ANAPC10: variants seen among roughly 807,000 people sequenced by gnomAD.
The protein encoded by ANAPC10 is anaphase promoting complex subunit 10, also known as anaphase-promoting complex subunit 10.
In ANAPC10, 12 loss-of-function variants were observed where a neutral mutation model predicts 22.0. The observed-to-expected ratio is 0.55, with a 90% CI of 0.35 to 0.88. The LOEUF (loss-of-function observed/expected upper bound fraction) is 0.88, where lower values mean the gene tolerates loss of function less well. ANAPC10 is among the 40% of genes least tolerant of loss of function. The probability of loss-of-function intolerance (pLI) is 0.01; values close to 1 mark genes in which losing one functional copy is unlikely to be tolerated. For missense variants in ANAPC10, 188 were observed against 220.9 expected, an observed-to-expected ratio of 0.85 and a Z score of 0.94; for synonymous variants, 65 against 69.5, an observed-to-expected ratio of 0.94 and a Z score of 0.32.
At chr4:144,996,790 G>C (rs918300333) in intron 4 of ANAPC10, among the ~76,000 whole-genome samples, 1 of 152,098 alleles carries the variant, frequency 6.6e-6, no homozygotes, top group Non-Finnish European at 1.5e-5. Context: ...AAACTTCTCC[G>C]AGCTAAAGGA....
chr4:145,073,495 T>C (rs761278129), intron 3 of ANAPC10, among the ~76,000 whole-genome samples: 23 of 152,156 alleles, frequency 1.5e-4, no homozygotes, highest in Non-Finnish European at 2.9e-4. Flanking sequence ...TAAACTAATT[T>C]GTATGATTTG....
intron 4 of ANAPC10, among the ~76,000 whole-genome samples, chr4:145,010,469 T>C (rs1012941819): frequency 1.3e-5 from 2 of 152,148 alleles, no homozygotes; most frequent in African/African-American, 4.8e-5. Context: ...GTGGCACATA[T>C]ACACCATGGA....
chr4:145,096,217 A>G (rs1748493657), intron 1 of ANAPC10, 106 bp from the exon 2 acceptor site: 5 of 1,156,650 alleles, frequency 4.3e-6, no homozygotes, highest in East Asian at 2.4e-5. Context: ...CCTGACATTA[A>G]TCATTTATTC....
At chr4:145,034,523 T>TTACATA (rs1553968687) in intron 4 of ANAPC10, among the ~76,000 whole-genome samples, 1 of 91,914 alleles carries the variant, frequency 1.1e-5, no homozygotes, top group East Asian at 4.7e-4. Flanking sequence ...AAACTCTCCT[T>TTACATA]TATATATATA....
intron 4 of ANAPC10, among the ~76,000 whole-genome samples, chr4:145,016,452 T>C (rs1213653612): frequency 6.6e-6 from 1 of 152,144 alleles, no homozygotes; most frequent in East Asian, 1.9e-4. Context: ...TACAAACCAC[T>C]GCTGAACAAA....
intron 4 of ANAPC10, among the ~76,000 whole-genome samples, chr4:145,054,854 A>G (rs540123382): frequency 6.6e-6 from 1 of 152,066 alleles, no homozygotes; most frequent in East Asian, 1.9e-4. Context: ...CCTCGCATCT[A>G]TTTTATTCAT....
rs752781906 is a variant in ANAPC10, at chr4:145,053,666, G to T, written c.327+10906C>A. On this transcript the variant is annotated intron_variant, in intron 4 of 4. Coordinates refer to ENST00000507656, the MANE Select transcript of ANAPC10 (RefSeq NM_001256706.2). Reference sequence around the variant, plus strand: ...CTTAATTCCTTTATGAAGGAGAAATGGACACAGAAAAGTATGCATTGTCTT... The same window carrying T: ...CTTAATTCCTTTATGAAGGAGAAATTGACACAGAAAAGTATGCATTGTCTT... The T allele has an allele frequency of 7.9e-6, 4 of 505,942 alleles. No individual in the cohort carries two copies. In the Admixed American group the frequency reaches 1.4e-4, roughly 18 times the overall value. The allele number at this position is 505,942 out of a possible 1,614,324, so 31.3% of individuals were successfully genotyped here.
chr4:145,022,079 A>T (rs1052633416), intron 4 of ANAPC10, among the ~76,000 whole-genome samples: 10 of 152,198 alleles, frequency 6.6e-5, no homozygotes, highest in African/African-American at 2.2e-4. Flanking sequence ...TAGTACAGCC[A>T]CTATGGAAAA....
At chr4:145,059,950 T>C (rs1445140474) in intron 4 of ANAPC10, among the ~76,000 whole-genome samples, 1 of 152,052 alleles carries the variant, frequency 6.6e-6, no homozygotes, top group Non-Finnish European at 1.5e-5. Flanking sequence ...ATTTAAGAAT[T>C]TAAAAACTAC....
At chr4:145,011,699 A>G (rs1353145871) in intron 4 of ANAPC10, among the ~76,000 whole-genome samples, 5 of 152,156 alleles carry the variant, frequency 3.3e-5, no homozygotes, top group Admixed American at 1.3e-4. Context: ...GTCTTTCAGA[A>G]AAGACAAAAT....
chr4:145,011,336 A>AAAAATAAAATAAAATAAAATAAAAT (rs70956822), intron 4 of ANAPC10, among the ~76,000 whole-genome samples: 7,869 of 130,024 alleles, frequency 0.061, 456 homozygotes, highest in Middle Eastern at 0.11. Flanking sequence ...GACTGTCTTA[A>AAAAATAAAATAAAATAAAATAAAAT]AAAATAAAAT....
At chr4:145,081,092 G>A (rs767376635) in intron 3 of ANAPC10, among the ~76,000 whole-genome samples, 2 of 151,796 alleles carry the variant, frequency 1.3e-5, no homozygotes, top group South Asian at 2.1e-4. Flanking sequence ...CCAACATAGC[G>A]GCCAACTGTC....
At chr4:145,085,605 C>T (rs1382940559) in intron 2 of ANAPC10, among the ~76,000 whole-genome samples, 1 of 151,738 alleles carries the variant, frequency 6.6e-6, no homozygotes, top group African/African-American at 2.4e-5. Context: ...AAGAAATGTC[C>T]TATAATTCAA....
At chr4:145,066,938 C>G (rs142716835) in intron 3 of ANAPC10, among the ~76,000 whole-genome samples, 2 of 152,044 alleles carry the variant, frequency 1.3e-5, no homozygotes, top group African/African-American at 2.4e-5. Context: ...GTCATTGATA[C>G]GAGTTTACAG....
At chr4:145,062,078 A>G (rs1742976917) in intron 4 of ANAPC10, among the ~76,000 whole-genome samples, 2 of 151,920 alleles carry the variant, frequency 1.3e-5, no homozygotes, top group Non-Finnish European at 2.9e-5. Context: ...GAAAAAAAAA[A>G]AAGATTATGA....
intron 4 of ANAPC10, among the ~76,000 whole-genome samples, chr4:145,036,669 T>G (rs918191883): frequency 6.6e-6 from 1 of 152,114 alleles, no homozygotes; most frequent in Admixed American, 6.6e-5. Flanking sequence ...TTAACCTACA[T>G]ACATGTTTTA....
chr4:145,030,569 A>G (rs182921442), intron 4 of ANAPC10, among the ~76,000 whole-genome samples: 1 of 152,274 alleles, frequency 6.6e-6, no homozygotes, highest in East Asian at 1.9e-4. Context: ...TAATTAATGG[A>G]GTTTTAGCTT....
chr4:145,036,018 T>C (rs1416334646), intron 4 of ANAPC10, among the ~76,000 whole-genome samples: 1 of 152,124 alleles, frequency 6.6e-6, no homozygotes, highest in East Asian at 1.9e-4. Flanking sequence ...TCAGAGAATT[T>C]AGACATATGT....
intron 4 of ANAPC10, among the ~76,000 whole-genome samples, chr4:145,034,229 A>G (rs554036948): frequency 4.6e-4 from 70 of 152,104 alleles, no homozygotes; most frequent in Non-Finnish European, 8.7e-4. Flanking sequence ...TTACCAAAAG[A>G]GATTAACATC....
Sources: gnomAD v4.1 joint callset for allele counts (sites outside exome capture counted in the v4.1 genomes callset) on GRCh38, gnomAD v4.1.1 for gene constraint, MANE v1.5 for transcripts, NCBI Gene and HGNC (gene_info 2026-07-23, HGNC 2026-07-21) for gene names.